ESRRG: variants seen among roughly 807,000 people sequenced by gnomAD.
ESRRG encodes the protein estrogen related receptor gamma, also known as estrogen-related receptor gamma.
A neutral mutation model predicts 44.0 loss-of-function variants in ESRRG; 13 were observed. The ratio of observed to expected loss-of-function variants is 0.30; its 90% confidence interval spans 0.19 to 0.47. ESRRG has a LOEUF of 0.47. Ranked by LOEUF, ESRRG falls within the 20% of genes least tolerant of loss-of-function variation. The probability of loss-of-function intolerance (pLI) is 1.00; values close to 1 mark genes in which losing one functional copy is unlikely to be tolerated. For missense variants in ESRRG, 395 were observed against 580.6 expected (o/e 0.68, Z 3.29); for synonymous variants, 215 against 214.6 (o/e 1.00, Z -0.02).
At chr1:216,587,710 G>C (rs1294970625) in intron 3 of ESRRG, among the ~76,000 whole-genome samples, 2 of 152,038 alleles carry the variant, frequency 1.3e-5, no homozygotes, top group Non-Finnish European at 2.9e-5. Context: ...GAAACAAAAG[G>C]AAAAGAATCT....
intron 2 of ESRRG, among the ~76,000 whole-genome samples, chr1:216,828,416 A>T: frequency 6.6e-6 from 1 of 152,082 alleles, no homozygotes; most frequent in Admixed American, 6.6e-5. Context: ...ATGGAAGGAG[A>T]CCAGGTTTCA....
chr1:216,578,681 T>C (rs1331065737), intron 3 of ESRRG, among the ~76,000 whole-genome samples: 1 of 152,110 alleles, frequency 6.6e-6, no homozygotes, highest in Non-Finnish European at 1.5e-5. Context: ...CATCTACCAA[T>C]GGTGTTCTTA....
intron 1 of ESRRG, among the ~76,000 whole-genome samples, chr1:216,695,831 G>A (rs2080038869): frequency 6.6e-6 from 1 of 152,188 alleles, no homozygotes; most frequent in South Asian, 2.1e-4. Flanking sequence ...AGTGTGAAAA[G>A]GTGGTTAGCA....
rs12076713 is a variant in ESRRG at position 216,905,619 on chromosome 1, T to C, written c.-14+33963A>G. Among the ~76,000 whole-genome samples the C allele has an allele frequency of 5.1e-3, 775 of 152,284 alleles. 4 individuals carry two copies. Among genetic ancestry groups the C allele is most frequent in the African/African-American group, 0.017 (727 of 41,548 alleles). ...GAGGTCTGTGAGTGCTGGGGCTCTG[T>C]CTCCTCGTCATCACTGTAGCTTCAG... On this transcript the variant is annotated intron_variant, in intron 2 of 7. Transcript: ENST00000359162.
chr1:216,561,926 T>C (rs2058823135), intron 5 of ESRRG, among the ~76,000 whole-genome samples: 1 of 152,144 alleles, frequency 6.6e-6, no homozygotes, highest in East Asian at 1.9e-4. Context: ...AATCGTATAG[T>C]AATTGTTTCC....
intron 1 of ESRRG, among the ~76,000 whole-genome samples, chr1:216,709,968 G>A (rs575181767): frequency 1.3e-5 from 2 of 152,188 alleles, no homozygotes; most frequent in Admixed American, 6.5e-5. Flanking sequence ...TCTTCTGAGA[G>A]TCTTAGAAGA....
chr1:216,651,564 A>T (rs981461289), intron 2 of ESRRG, among the ~76,000 whole-genome samples: 1 of 152,170 alleles, frequency 6.6e-6, no homozygotes, highest in Non-Finnish European at 1.5e-5. Context: ...GTAAACAAAT[A>T]TGGCATGTTA....
intron 2 of ESRRG, among the ~76,000 whole-genome samples, chr1:216,736,077 G>A (rs1344921751): frequency 6.6e-6 from 1 of 151,062 alleles, no homozygotes; most frequent in Non-Finnish European, 1.5e-5. Flanking sequence ...GAGAACAGGG[G>A]GGGAGTTTCC....
At chr1:216,998,516 T>C (rs905631091) in intron 1 of ESRRG, among the ~76,000 whole-genome samples, 4 of 152,248 alleles carry the variant, frequency 2.6e-5, no homozygotes, top group Admixed American at 1.3e-4. Flanking sequence ...TAGACATTAC[T>C]TCTTTTTTGC....
chr1:216,972,148 G>A (rs999805852), intron 1 of ESRRG, among the ~76,000 whole-genome samples: 3 of 152,120 alleles, frequency 2.0e-5, no homozygotes. Context: ...TGGAGTGCCA[G>A]TTGGCTTTCT....
intron 1 of ESRRG, among the ~76,000 whole-genome samples, chr1:217,043,320 G>T (rs1318889768): frequency 6.6e-6 from 1 of 152,024 alleles, no homozygotes; most frequent in Non-Finnish European, 1.5e-5. Flanking sequence ...AAGGAAGCTG[G>T]GTTCAGTTAC....
At chr1:217,112,627 CA>C (rs2092673168) in intron 1 of ESRRG, among the ~76,000 whole-genome samples, 1 of 152,100 alleles carries the variant, frequency 6.6e-6, no homozygotes, top group South Asian at 2.1e-4. Flanking sequence ...GAAAAGACTT[CA>C]AAACAATTTA....
chr1:217,029,408 G>A (rs1238116985), intron 1 of ESRRG, among the ~76,000 whole-genome samples: 1 of 152,226 alleles, frequency 6.6e-6, no homozygotes, highest in African/African-American at 2.4e-5. Flanking sequence ...GCTGCTGTTT[G>A]TGTGTTCAAA....
At chr1:216,571,540 G>T (rs952816145) in intron 3 of ESRRG, among the ~76,000 whole-genome samples, 3 of 152,138 alleles carry the variant, frequency 2.0e-5, no homozygotes, top group African/African-American at 7.2e-5. Context: ...TTCAAAAGGT[G>T]ACTATAGAAA....
At chr1:216,601,835 G>T (rs977863200) in intron 3 of ESRRG, among the ~76,000 whole-genome samples, 1 of 152,124 alleles carries the variant, frequency 6.6e-6, no homozygotes, top group African/African-American at 2.4e-5. Flanking sequence ...TATCTGCCAG[G>T]CTTTCTATAA....
At chr1:217,045,403 C>T (rs1327839259) in intron 1 of ESRRG, among the ~76,000 whole-genome samples, 1 of 152,226 alleles carries the variant, frequency 6.6e-6, no homozygotes, top group African/African-American at 2.4e-5. Flanking sequence ...CCCACAAAAT[C>T]TCCAGACTCA....
intron 2 of ESRRG, among the ~76,000 whole-genome samples, chr1:216,763,798 C>T (rs182660884): frequency 1.3e-5 from 2 of 152,070 alleles, no homozygotes; most frequent in African/African-American, 4.8e-5. Flanking sequence ...GGGTAAACTG[C>T]TCAATGTTTA....
At chr1:216,688,096 A>C (rs1325285475) in intron 1 of ESRRG, among the ~76,000 whole-genome samples, 1 of 152,230 alleles carries the variant, frequency 6.6e-6, no homozygotes, top group Non-Finnish European at 1.5e-5. Flanking sequence ...TATTATGAAA[A>C]TTCAGGCTGA....
chr1:216,614,481 C>T lies in ESRRG; in HGVS notation c.589+36492G>A, dbSNP rs1004806779. Among the ~76,000 whole-genome samples, 6 of 152,124 alleles carry T rather than the reference C, an allele frequency of 3.9e-5. No homozygotes were observed. In the East Asian group the frequency reaches 1.2e-3, roughly 29 times the overall value. The stretch of plus-strand genomic sequence containing the variant: ...AATATATATCTGGTGAGTACTCCAG[C>T]GACCCTTTGTGTTAAGTGCATACCA... On this transcript the variant is annotated intron_variant, in intron 3 of 6. Transcript: ENST00000408911.
Sources: allele counts gnomAD v4.1 joint callset (sites outside exome capture counted in the v4.1 genomes callset), GRCh38; gene constraint gnomAD v4.1.1; transcripts MANE v1.5; gene names NCBI Gene and HGNC (gene_info 2026-07-23, HGNC 2026-07-21).